The following SORBS2 variants were observed in gnomAD, a reference collection of about 807,000 sequenced individuals.
SORBS2 encodes the protein sorbin and SH3 domain containing 2.
A neutral mutation model predicts 97.7 loss-of-function variants in SORBS2; 46 were observed. That is an observed-to-expected ratio of 0.47 (90% CI 0.37 to 0.60). SORBS2 has a LOEUF of 0.60. Ranked by LOEUF, SORBS2 falls within the 20% of genes least tolerant of loss-of-function variation. The pLI is 0.00. For missense variants in SORBS2, 1,316 were observed against 1,282.3 expected, an observed-to-expected ratio of 1.03 and a Z score of -0.40; for synonymous variants, 476 against 473.4, an observed-to-expected ratio of 1.01 and a Z score of -0.07.
chr4:185,613,680 C>T (rs555129454), intron 11 of SORBS2, among the ~76,000 whole-genome samples: 75 of 150,568 alleles, frequency 5.0e-4, no homozygotes, highest in Middle Eastern at 3.5e-3. Flanking sequence ...GTCAGTCTCC[C>T]CAAATCTGAA....
intron 3 of SORBS2, among the ~76,000 whole-genome samples, chr4:185,647,585 A>AG (rs2097233409): frequency 6.6e-6 from 1 of 152,024 alleles, no homozygotes; most frequent in Non-Finnish European, 1.5e-5. Context: ...GACTGTAGAT[A>AG]GGGGTAATTC....
intron 2 of SORBS2, among the ~76,000 whole-genome samples, chr4:185,744,328 G>C (rs1276510024): frequency 6.6e-6 from 1 of 152,138 alleles, no homozygotes; most frequent in Non-Finnish European, 1.5e-5. Context: ...GTCCATGCAG[G>C]CTTTTCCAGG....
intron 13 of SORBS2, chr4:185,592,953 G>A (rs888447429): frequency 1.3e-4 from 20 of 152,200 alleles, no homozygotes; most frequent in African/African-American, 3.9e-4. Context: ...AGTCTCATCC[G>A]GAGCTGCTTT....
intron 1 of SORBS2, among the ~76,000 whole-genome samples, chr4:185,866,634 CTCTTT>C (rs1169703201): frequency 5.9e-5 from 9 of 152,222 alleles, no homozygotes; most frequent in Non-Finnish European, 1.2e-4. Context: ...CACCTCATTT[CTCTTT>C]TTTCTCCATC....
At chr4:185,614,916 G>A (rs144375667) in exon 11 of SORBS2, 8 of 1,614,012 alleles carry the variant, frequency 5.0e-6, no homozygotes, top group East Asian at 4.5e-5. Context: ...CTGGGCTGGC[G>A]GAGGTGGTCT....
At chr4:185,746,043 G>C (rs1385972002) in intron 2 of SORBS2, among the ~76,000 whole-genome samples, 3 of 152,202 alleles carry the variant, frequency 2.0e-5, no homozygotes, top group Non-Finnish European at 4.4e-5. Context: ...GAATAACAAA[G>C]TGACAGAAGC....
intron 4 of SORBS2, 95 bp downstream of exon 14, chr4:185,638,782 C>G (rs2097073201): frequency 3.3e-6 from 4 of 1,223,762 alleles, no homozygotes; most frequent in Non-Finnish European, 4.3e-6. Context: ...GCGAGCGGGA[C>G]CCGGGGGAGT....
At chr4:185,807,279 G>GT (rs2099160959) in intron 1 of SORBS2, among the ~76,000 whole-genome samples, 1 of 151,992 alleles carries the variant, frequency 6.6e-6, no homozygotes. Flanking sequence ...TTTTTATTGT[G>GT]TTTTTGTTTT....
At chr4:185,766,850 T>A (rs4862570) in intron 2 of SORBS2, among the ~76,000 whole-genome samples, 1 of 152,246 alleles carries the variant, frequency 6.6e-6, no homozygotes, top group Admixed American at 6.5e-5. Flanking sequence ...ATACATGCTG[T>A]ACGTGTGTTT....
At chr4:185,819,017 A>G (rs984139352) in intron 1 of SORBS2, among the ~76,000 whole-genome samples, 1 of 152,154 alleles carries the variant, frequency 6.6e-6, no homozygotes, top group Non-Finnish European at 1.5e-5. Flanking sequence ...TTCCTTCATT[A>G]AAGACATGGT....
intron 1 of SORBS2, among the ~76,000 whole-genome samples, chr4:185,844,237 C>T (rs939568105): frequency 6.6e-6 from 1 of 152,132 alleles, no homozygotes; most frequent in African/African-American, 2.4e-5. Context: ...AAATGTAAAA[C>T]TCAAAACTAT....
intron 4 of SORBS2, chr4:185,675,010 T>A (rs1246095922): frequency 6.6e-6 from 1 of 152,224 alleles, no homozygotes; most frequent in Non-Finnish European, 1.5e-5. Flanking sequence ...CAAATCCAAC[T>A]CTGTTACTAG....
intron 1 of SORBS2, among the ~76,000 whole-genome samples, chr4:185,794,293 A>G (rs1318127371): frequency 6.6e-6 from 1 of 152,164 alleles, no homozygotes; most frequent in African/African-American, 2.4e-5. Context: ...AAATCCAGGC[A>G]GTGGGTGGGG....
intron 1 of SORBS2, among the ~76,000 whole-genome samples, chr4:185,912,102 A>C (rs777501532): frequency 6.6e-6 from 1 of 152,212 alleles, no homozygotes; most frequent in Non-Finnish European, 1.5e-5. Flanking sequence ...ATTTTCATGT[A>C]TGCACAAAAT....
At chr4:185,819,756 CCTATCCAGCCACTGTGCTTAA>C (rs1195516856) in intron 1 of SORBS2, among the ~76,000 whole-genome samples, 6 of 152,190 alleles carry the variant, frequency 3.9e-5, no homozygotes, top group Non-Finnish European at 7.3e-5. Flanking sequence ...GGTGTCCTTG[CCTATCCAGCCACTGTGCTTAA>C]CTCCTCAGCA....
intron 1 of SORBS2, among the ~76,000 whole-genome samples, chr4:185,869,253 C>T (rs183254686): frequency 6.6e-6 from 1 of 152,276 alleles, no homozygotes; most frequent in Admixed American, 6.5e-5. Flanking sequence ...CTTAATCTTT[C>T]TGACTCACTG....
At chr4:185,680,483 G>A (rs910475306) in intron 2 of SORBS2, among the ~76,000 whole-genome samples, 9 of 152,134 alleles carry the variant, frequency 5.9e-5, no homozygotes, top group African/African-American at 1.9e-4. Flanking sequence ...TGTGGACAAT[G>A]AACAAATTTT....
At chr4:185,810,873 T>A (rs912163264) in intron 1 of SORBS2, 14 of 152,298 alleles carry the variant, frequency 9.2e-5, no homozygotes, top group Middle Eastern at 6.8e-3. Context: ...TTTCACTCTT[T>A]ATCTCTGAAA....
intron 2 of SORBS2, among the ~76,000 whole-genome samples, chr4:185,751,748 C>T (rs1279892396): frequency 1.3e-5 from 2 of 152,114 alleles, no homozygotes; most frequent in African/African-American, 4.8e-5. Flanking sequence ...CCTGACATTC[C>T]ACAGGAGAAG....
Sources: allele counts gnomAD v4.1 joint callset (sites outside exome capture counted in the v4.1 genomes callset), GRCh38; gene constraint gnomAD v4.1.1; transcripts MANE v1.5; gene names NCBI Gene and HGNC (gene_info 2026-07-23, HGNC 2026-07-21).